The following PKP4 variants were observed in gnomAD, a reference collection of about 807,000 sequenced individuals.
PKP4 encodes plakophilin 4.
A neutral mutation model predicts 145.1 loss-of-function variants in PKP4; 90 were observed. That is an observed-to-expected ratio of 0.62 (90% CI 0.52 to 0.74). The LOEUF (loss-of-function observed/expected upper bound fraction) is 0.74. PKP4 is among the 30% of genes least tolerant of loss of function. PKP4 has a pLI of 0.00. For missense variants in PKP4, 1,340 were observed against 1,482.7 expected (o/e 0.90, Z 1.58); for synonymous variants, 563 against 577.2 (o/e 0.98, Z 0.35).
intron 1 of PKP4, among the ~76,000 whole-genome samples, chr2:158,459,425 T>C (rs964385103): frequency 1.1e-4 from 17 of 152,000 alleles, no homozygotes; most frequent in African/African-American, 3.6e-4. Context: ...ATCATGGACA[T>C]TGAAAACTAT....
chr2:158,497,752 A>T (rs113649138), intron 1 of PKP4, among the ~76,000 whole-genome samples: 2 of 152,242 alleles, frequency 1.3e-5, no homozygotes, highest in African/African-American at 4.8e-5. Context: ...TTAGCACTGT[A>T]TGAGTCATAG....
At chr2:158,599,005 T>G (rs1426370924) in intron 3 of PKP4, among the ~76,000 whole-genome samples, 3 of 152,152 alleles carry the variant, frequency 2.0e-5, no homozygotes, top group Non-Finnish European at 4.4e-5. Flanking sequence ...TTAGAAATGC[T>G]TCAGATGTAG....
At chr2:158,535,791 C>G (rs1412351904) in intron 2 of PKP4, among the ~76,000 whole-genome samples, 1 of 152,096 alleles carries the variant, frequency 6.6e-6, no homozygotes, top group African/African-American at 2.4e-5. Flanking sequence ...TCTCAAATAA[C>G]AGAACTTGCT....
chr2:158,485,747 A>C (rs1429680538), intron 1 of PKP4, among the ~76,000 whole-genome samples: 1 of 152,244 alleles, frequency 6.6e-6, no homozygotes, highest in East Asian at 1.9e-4. Context: ...CTGGATTCTA[A>C]TACAAAAAAA....
chr2:158,610,082 AC>A (rs1251707432), intron 4 of PKP4, among the ~76,000 whole-genome samples: 1 of 152,028 alleles, frequency 6.6e-6, no homozygotes, highest in African/African-American at 2.4e-5. Flanking sequence ...ATTATTCTGT[AC>A]CCTCTAGCTT....
intron 1 of PKP4, among the ~76,000 whole-genome samples, chr2:158,494,847 T>G (rs900172262): frequency 4.6e-5 from 7 of 152,020 alleles, no homozygotes; most frequent in African/African-American, 1.7e-4. Flanking sequence ...GCAAAAACTT[T>G]AATGAGATGA....
chr2:158,521,987 A>G (rs1273354371), intron 1 of PKP4, among the ~76,000 whole-genome samples: 4 of 152,144 alleles, frequency 2.6e-5, no homozygotes, highest in African/African-American at 7.2e-5. Flanking sequence ...GTTCTTAGGC[A>G]TCATTATTTT....
chr2:158,540,559 C>T (rs895929555), intron 2 of PKP4, among the ~76,000 whole-genome samples: 1 of 152,078 alleles, frequency 6.6e-6, no homozygotes, highest in African/African-American at 2.4e-5. Context: ...AATGCAGAGG[C>T]ACAAACCGTA....
intron 1 of PKP4, among the ~76,000 whole-genome samples, chr2:158,464,848 G>A (rs968882947): frequency 3.3e-5 from 5 of 152,222 alleles, no homozygotes; most frequent in Admixed American, 6.5e-5. Context: ...GCAAGTGAGG[G>A]GACTGTAGAC....
At chr2:158,583,259 A>T (rs181127338) in intron 3 of PKP4, among the ~76,000 whole-genome samples, 1 of 152,268 alleles carries the variant, frequency 6.6e-6, no homozygotes, top group East Asian at 1.9e-4. Flanking sequence ...ATACAGTGAG[A>T]GTAAAAGGGT....
intron 3 of PKP4, among the ~76,000 whole-genome samples, chr2:158,596,095 C>T (rs1574686239): frequency 6.6e-6 from 1 of 150,552 alleles, no homozygotes; most frequent in African/African-American, 2.5e-5. Flanking sequence ...TAGAACTTCT[C>T]ACAATAGATT....
intron 2 of PKP4, among the ~76,000 whole-genome samples, chr2:158,542,912 A>G (rs781193220): frequency 2.0e-5 from 3 of 152,208 alleles, no homozygotes; most frequent in African/African-American, 4.8e-5. Context: ...TAGAAATCCA[A>G]TAGGAGACTA....
At chr2:158,577,028 G>A (rs1051174157) in intron 2 of PKP4, among the ~76,000 whole-genome samples, 2 of 152,020 alleles carry the variant, frequency 1.3e-5, no homozygotes, top group Non-Finnish European at 2.9e-5. Context: ...ATCAGAAAAG[G>A]CAAATAAAGA....
At chr2:158,656,507 C>T (rs1231486619) in intron 11 of PKP4, among the ~76,000 whole-genome samples, 1 of 152,048 alleles carries the variant, frequency 6.6e-6, no homozygotes, top group Non-Finnish European at 1.5e-5. Flanking sequence ...TTAAGTCTCC[C>T]GCCCGTCCTG....
intron 2 of PKP4, among the ~76,000 whole-genome samples, chr2:158,571,234 G>A (rs989670908): frequency 6.6e-6 from 1 of 152,214 alleles, no homozygotes; most frequent in African/African-American, 2.4e-5. Flanking sequence ...AACTGAGCTA[G>A]ATGGCTCGAG....
intron 3 of PKP4, among the ~76,000 whole-genome samples, chr2:158,579,444 T>TA (rs57964242): frequency 0.085 from 11,648 of 136,694 alleles, 820 homozygotes; most frequent in African/African-American, 0.18. Context: ...TCTGATTTTG[T>TA]AAAAAAAAAA....
chr2:158,617,402 A>G (rs1366598154), intron 4 of PKP4, among the ~76,000 whole-genome samples: 1 of 152,012 alleles, frequency 6.6e-6, no homozygotes, highest in Non-Finnish European at 1.5e-5. Flanking sequence ...TGCCATTTTT[A>G]CTTATAAAAA....
intron 1 of PKP4, among the ~76,000 whole-genome samples, chr2:158,521,983 A>C (rs931887797): frequency 6.6e-6 from 1 of 152,142 alleles, no homozygotes; most frequent in African/African-American, 2.4e-5. Context: ...ATTTGTTCTT[A>C]GGCATCATTA....
chr2:158,624,138 A>G (rs1054730290), intron 6 of PKP4, among the ~76,000 whole-genome samples: 1 of 152,162 alleles, frequency 6.6e-6, no homozygotes, highest in Non-Finnish European at 1.5e-5. Context: ...ATCTCTTTAA[A>G]TCCACCAATT....
Sources: allele counts gnomAD v4.1 joint callset (sites outside exome capture counted in the v4.1 genomes callset), GRCh38; gene constraint gnomAD v4.1.1; transcripts MANE v1.5; gene names NCBI Gene and HGNC (gene_info 2026-07-23, HGNC 2026-07-21).